Variants in CUBN observed in about 807,000 individuals in gnomAD.
CUBN encodes 460 kDa receptor.
In CUBN, 282 loss-of-function variants were observed where a neutral mutation model predicts 405.3. The observed-to-expected ratio is 0.70, with a 90% CI of 0.63 to 0.77. The LOEUF (loss-of-function observed/expected upper bound fraction) is 0.77. Ranked by LOEUF, CUBN falls within the 30% of genes least tolerant of loss-of-function variation. CUBN has a pLI of 0.00. For synonymous variants in CUBN, 1,684 were observed against 1,617.0 expected (o/e 1.04, Z -0.99); for missense variants, 4,514 against 4,475.2 (o/e 1.01, Z -0.25).
At chr10:16,827,457 T>G (rs547308547) in intron 66 of CUBN, among the ~76,000 whole-genome samples, 2 of 151,494 alleles carry the variant, frequency 1.3e-5, no homozygotes, top group Non-Finnish European at 2.9e-5. Flanking sequence ...TTATCAATTT[T>G]ATAAATAGTA....
At chr10:16,922,704 T>C (rs971727116) in intron 43 of CUBN, among the ~76,000 whole-genome samples, 3 of 152,200 alleles carry the variant, frequency 2.0e-5, no homozygotes, top group Admixed American at 2.0e-4. Context: ...TGAGATTTTC[T>C]ATGCATTCAC....
chr10:16,978,648 G>C (rs949422540), intron 31 of CUBN, among the ~76,000 whole-genome samples: 2 of 152,204 alleles, frequency 1.3e-5, no homozygotes, highest in Non-Finnish European at 2.9e-5. Context: ...GTTGGATCTT[G>C]TGTAGGAAAC....
chr10:16,974,911 G>A (rs1007367241), intron 31 of CUBN, among the ~76,000 whole-genome samples: 3 of 151,926 alleles, frequency 2.0e-5, no homozygotes, highest in South Asian at 2.1e-4. Flanking sequence ...ATTTTCTCTA[G>A]CTTACTTTGT....
At chr10:16,867,349 T>C (rs1177939353) in intron 59 of CUBN, among the ~76,000 whole-genome samples, 1 of 152,176 alleles carries the variant, frequency 6.6e-6, no homozygotes, top group African/African-American at 2.4e-5. Flanking sequence ...CCTATAAACC[T>C]TACAGTCAAA....
intron 17 of CUBN, among the ~76,000 whole-genome samples, chr10:17,075,892 C>A (rs45492097): frequency 0.036 from 5,432 of 152,252 alleles, 225 homozygotes; most frequent in South Asian, 0.22. Flanking sequence ...AGGTATTTGA[C>A]AAATTCTTGT....
intron 49 of CUBN, 106 bp from the exon 50 acceptor site, chr10:16,906,515 G>C: frequency 1.2e-6 from 1 of 842,684 alleles, no homozygotes. Context: ...TTACTGCTTT[G>C]ATTTGTTTTT....
At chr10:17,058,592 A>C (rs1835443270) in intron 22 of CUBN, among the ~76,000 whole-genome samples, 1 of 152,150 alleles carries the variant, frequency 6.6e-6, no homozygotes, top group Non-Finnish European at 1.5e-5. Context: ...ATGAGATTCA[A>C]ATTTCATAGA....
chr10:17,032,950 A>G (rs1466166262), intron 27 of CUBN, among the ~76,000 whole-genome samples: 3 of 152,074 alleles, frequency 2.0e-5, no homozygotes, highest in South Asian at 4.1e-4. Flanking sequence ...GTGCTCTGAA[A>G]TCATTCGATC....
chr10:17,057,353 T>A (rs1835418385), intron 22 of CUBN, among the ~76,000 whole-genome samples: 2 of 152,082 alleles, frequency 1.3e-5, no homozygotes, highest in Non-Finnish European at 2.9e-5. Context: ...TTCTGGGTGT[T>A]GTCATGGCAA....
At chr10:16,986,681 C>G (rs1027375377) in intron 29 of CUBN, among the ~76,000 whole-genome samples, 1 of 152,132 alleles carries the variant, frequency 6.6e-6, no homozygotes, top group Non-Finnish European at 1.5e-5. Context: ...TACACATATG[C>G]AAATGGCAGA....
In CUBN at chr10:17,088,275, T is replaced by C; in HGVS notation, c.1836A>G (p.Pro612=). The part of the protein sequence containing the change: ...KSPGYPGNYP[P]GRDCVWIVVT... The stretch of plus-strand genomic sequence containing the variant: ...CAACAATCCAGACACAATCTCTTCC[T>C]GGGGGATAGTTTCCAGGATACCCCG... The change falls in exon 15 of 67, where the codon CCA becomes CCG. Residue 612 remains proline, a synonymous_variant. Transcript: ENST00000377833. 6.2e-7 allele frequency: 1 copy of C among 1,613,738 alleles called. No individual in the cohort carries two copies.
intron 31 of CUBN, among the ~76,000 whole-genome samples, chr10:16,963,450 G>A (rs1221990988): frequency 6.6e-6 from 1 of 151,782 alleles, no homozygotes; most frequent in Non-Finnish European, 1.5e-5. Flanking sequence ...GCCTCCCAAA[G>A]TGCTGGGATT....
At chr10:17,128,842 A>G (rs931751667) in intron 2 of CUBN, among the ~76,000 whole-genome samples, 8 of 152,250 alleles carry the variant, frequency 5.3e-5, no homozygotes, top group African/African-American at 1.9e-4. Context: ...ATAGACCAGT[A>G]GGGTGACTAT....
intron 6 of CUBN, among the ~76,000 whole-genome samples, chr10:17,116,005 A>C (rs552236909): frequency 6.6e-6 from 1 of 152,354 alleles, no homozygotes; most frequent in East Asian, 1.9e-4. Flanking sequence ...CGTGGGCTAC[A>C]CTGATAACTC....
At chr10:17,122,560 C>T (rs1423991225) in intron 6 of CUBN, 5 of 573,454 alleles carry the variant, frequency 8.7e-6, no homozygotes, top group South Asian at 4.7e-5. Context: ...TCTTCCGGTT[C>T]CTTGGGGATG....
rs115581268 is a variant in CUBN at position 17,115,945 on chromosome 10, C to A, written c.594-348G>T. 5.4e-3 allele frequency among the ~76,000 whole-genome samples: 816 copies of A among 152,270 alleles called. 11 individuals carry two copies. Among genetic ancestry groups the A allele is most frequent in the African/African-American group, 0.019 (787 of 41,548 alleles). Reference sequence around the variant, plus strand: ...TCAAGAAGGTAAAGGGAGAGATCAGCAAATCCATTCATCATCTGTCCAATT... The same window carrying A: ...TCAAGAAGGTAAAGGGAGAGATCAGAAAATCCATTCATCATCTGTCCAATT... On this transcript the variant is annotated intron_variant, in intron 6 of 66. Coordinates refer to ENST00000377833, the MANE Select transcript of CUBN (RefSeq NM_001081.4).
intron 36 of CUBN, among the ~76,000 whole-genome samples, chr10:16,942,791 AG>A (rs1842685810): frequency 7.1e-6 from 1 of 140,418 alleles, no homozygotes; most frequent in Non-Finnish European, 1.6e-5. Flanking sequence ...GAAAAAGGGA[AG>A]GGAAGGGAAG....
chr10:17,065,980 C>T (rs1051421524), intron 21 of CUBN, among the ~76,000 whole-genome samples: 1 of 152,112 alleles, frequency 6.6e-6, no homozygotes, highest in Non-Finnish European at 1.5e-5. Context: ...AACAATATAT[C>T]ATAAAATCAT....
rs776447439 is a variant in CUBN, at chr10:16,915,041, T to C, written c.7342A>G (p.Ser2448Gly). The stretch of plus-strand genomic sequence containing the variant: ...GAATCAATGAACTCACCTTCCATAC[T>C]GGATTCAAATCGCAGTCTGAATCCT... ...ASGFRLRFES[S>G]MEECGGDLQG... The change falls in exon 47 of 67, where the codon AGT becomes GGT. Residue 2448 changes from serine (S) to glycine (G), a missense_variant. Physicochemically the swap from Ser to Gly is moderately conservative, Grantham distance 56. Around this residue, in one of 5 missense-constraint regions of CUBN, gnomAD observed 1,613 missense variants for 1,542.8 expected, o/e 1.05. Transcript: ENST00000377833. 4 of 1,613,810 alleles carry C rather than the reference T, an allele frequency of 2.5e-6. No individual in the cohort carries two copies. Among genetic ancestry groups the C allele is most frequent in the Admixed American group, 3.3e-5 (2 of 60,028 alleles).
Sources: allele counts gnomAD v4.1 joint callset (sites outside exome capture counted in the v4.1 genomes callset), GRCh38; gene constraint gnomAD v4.1.1; regional missense constraint gnomAD v4.1.1; transcripts MANE v1.5; gene names NCBI Gene and HGNC (gene_info 2026-07-23, HGNC 2026-07-21).